The following IGSF11 variants were observed in gnomAD, a reference collection of about 807,000 sequenced individuals.
The protein encoded by IGSF11 is immunoglobulin superfamily member 11, also known as CXADR like 1.
A neutral mutation model predicts 41.0 loss-of-function variants in IGSF11; 22 were observed. The ratio of observed to expected loss-of-function variants is 0.54; its 90% CI spans 0.38 to 0.77. The LOEUF is 0.77. IGSF11 is among the 30% of genes least tolerant of loss of function. IGSF11 has a pLI of 0.00. For missense variants in IGSF11, 444 were observed against 530.8 expected (o/e 0.84, Z 1.61); for synonymous variants, 219 against 201.3 (o/e 1.09, Z -0.74).
At chr3:119,040,673 G>A (rs1941085646) in intron 1 of IGSF11, among the ~76,000 whole-genome samples, 1 of 152,164 alleles carries the variant, frequency 6.6e-6, no homozygotes, top group African/African-American at 2.4e-5. Context: ...TACAAGGACA[G>A]GAACTCTATT....
rs60190891 is a variant in IGSF11 at position 119,017,039 on chromosome 3, CAA to C, written c.52+17490_52+17491del. Among the ~76,000 whole-genome samples the C allele has an allele frequency of 1.0e-3, 89 of 88,302 alleles. 1 individual carries two copies. Among genetic ancestry groups the C allele is most frequent in the African/African-American group, 2.8e-3 (76 of 26,758 alleles). The allele number at this position is 88,302 out of a possible 152,430, so 57.9% of individuals were successfully genotyped here. On this transcript the variant is annotated intron_variant, in intron 1 of 6. Coordinates refer to ENST00000393775, the MANE Select transcript of IGSF11 (RefSeq NM_001015887.3). ...TGAGCAAAGTTAAATGGACGCAGGA[CAA>C]AAAAAAAAAAAAAAAAGCCAACTAT...
intron 2 of IGSF11, among the ~76,000 whole-genome samples, chr3:118,929,685 A>G (rs2160054): frequency 0.12 from 17,753 of 152,194 alleles, 1,727 homozygotes; most frequent in African/African-American, 0.25. Context: ...CTTTGAGCTC[A>G]CTAACATGGC....
chr3:118,955,842 G>C (rs767876854), intron 1 of IGSF11, among the ~76,000 whole-genome samples: 1 of 152,110 alleles, frequency 6.6e-6, no homozygotes, highest in South Asian at 2.1e-4. Context: ...AGGAGAGTCA[G>C]CCTGTCCTTT....
chr3:119,047,870 A>C (rs1418355304), intron 1 of IGSF11, among the ~76,000 whole-genome samples: 1 of 152,174 alleles, frequency 6.6e-6, no homozygotes, highest in Non-Finnish European at 1.5e-5. Flanking sequence ...ACTACATGGA[A>C]ACTGAACAAC....
intron 1 of IGSF11, among the ~76,000 whole-genome samples, chr3:119,083,126 C>CTTTTTTTTTTTT (rs79620142): frequency 1.5e-5 from 2 of 129,104 alleles, no homozygotes; most frequent in Non-Finnish European, 3.2e-5. Flanking sequence ...TTTCTTTTTT[C>CTTTTTTTTTTTT]TTTTTTTTTT....
chr3:118,971,303 A>G (rs1398982950), intron 1 of IGSF11, among the ~76,000 whole-genome samples: 1 of 152,214 alleles, frequency 6.6e-6, no homozygotes, highest in East Asian at 1.9e-4. Flanking sequence ...ACAGAAAATA[A>G]ATACCAAAGG....
At chr3:118,963,002 A>C (rs1258277452) in intron 1 of IGSF11, among the ~76,000 whole-genome samples, 1 of 152,174 alleles carries the variant, frequency 6.6e-6, no homozygotes, top group African/African-American at 2.4e-5. Flanking sequence ...ATTGCCAAAG[A>C]GCAGTGCCAC....
At chr3:119,049,664 GA>G (rs1941531087) in intron 1 of IGSF11, among the ~76,000 whole-genome samples, 1 of 152,064 alleles carries the variant, frequency 6.6e-6, no homozygotes, top group Non-Finnish European at 1.5e-5. Context: ...AGTTCATATG[GA>G]ACCTAAAAAG....
At chr3:119,057,677 C>T (rs1268019352) in intron 1 of IGSF11, among the ~76,000 whole-genome samples, 1 of 152,168 alleles carries the variant, frequency 6.6e-6, no homozygotes, top group Non-Finnish European at 1.5e-5. Context: ...CAATCCTAAG[C>T]CAAAAGAACA....
chr3:119,125,011 T>A lies in IGSF11; in HGVS notation c.-13-19806A>T, dbSNP rs903319091. 2.6e-5 allele frequency among the ~76,000 whole-genome samples: 4 copies of A among 152,090 alleles called. No homozygotes were observed. The East Asian group carries it at 7.7e-4, about 29-fold the overall frequency. On this transcript the variant is annotated intron_variant, in intron 1 of 7. Transcript: ENST00000425327. ...AGGTCTGGAGAAAGTGACACAAATT[T>A]AAAATGCCAAAGGAAAAAAACTTTT...
intron 4 of IGSF11, among the ~76,000 whole-genome samples, chr3:118,916,706 A>G (rs1333548370): frequency 6.7e-5 from 10 of 149,794 alleles, no homozygotes; most frequent in South Asian, 2.1e-4. Context: ...AACGAGACAG[A>G]AAGTCAACAA....
chr3:118,973,068 C>T (rs1160969929), intron 1 of IGSF11, among the ~76,000 whole-genome samples: 2 of 152,200 alleles, frequency 1.3e-5, no homozygotes, highest in Non-Finnish European at 1.5e-5. Flanking sequence ...ACTGCTTACT[C>T]GCAGTCTCTC....
chr3:119,037,098 G>A (rs1419624497), upstream of IGSF11, among the ~76,000 whole-genome samples: 2 of 152,160 alleles, frequency 1.3e-5, no homozygotes, highest in East Asian at 3.8e-4. Flanking sequence ...AATTCATAGA[G>A]ATAATACCAT....
At chr3:119,063,501 T>A (rs1019454519) in intron 1 of IGSF11, among the ~76,000 whole-genome samples, 3 of 152,046 alleles carry the variant, frequency 2.0e-5, no homozygotes, top group Admixed American at 2.0e-4. Flanking sequence ...TGCACAGACA[T>A]GAACAGTGCA....
At chr3:119,104,434 GAT>G (rs1485052305) in intron 1 of IGSF11, among the ~76,000 whole-genome samples, 1 of 152,068 alleles carries the variant, frequency 6.6e-6, no homozygotes, top group African/African-American at 2.4e-5. Flanking sequence ...TCCTGACACT[GAT>G]CACTCCCATT....
intron 1 of IGSF11, among the ~76,000 whole-genome samples, chr3:119,103,774 C>A (rs4687965): frequency 0.23 from 35,393 of 152,006 alleles, 5,036 homozygotes; most frequent in Middle Eastern, 0.38. Flanking sequence ...CTGCTTCTTA[C>A]TAGTATTGAC....
chr3:118,928,564 G>A lies in IGSF11; in HGVS notation c.369C>T (p.Asn123=). 3.7e-6 allele frequency: 6 copies of A among 1,613,840 alleles called. No homozygotes were observed. Among genetic ancestry groups the A allele is most frequent in the Non-Finnish European group, 5.1e-6 (6 of 1,179,982 alleles). ...TCCTGCCCCCTATGTCTGGAAGGTT[G>A]TTGACCAGGCACTGGTAGGTGCCAG... ...SDTGTYQCLV[N]NLPDIGGRNI... is the part of the protein sequence containing the mutation. The change falls in exon 3 of 7, where the codon AAC becomes AAT. Residue 123 remains asparagine, a synonymous_variant. Coordinates refer to ENST00000393775, the MANE Select transcript of IGSF11 (RefSeq NM_001015887.3).
intron 1 of IGSF11, among the ~76,000 whole-genome samples, chr3:119,076,797 C>CT (rs199524952): frequency 0.32 from 47,381 of 148,964 alleles, 7,722 homozygotes; most frequent in Middle Eastern, 0.38. Flanking sequence ...AATAGGAACA[C>CT]TTTTTTTTTT....
At chr3:119,143,541 A>T (rs1456512626) in intron 1 of IGSF11, among the ~76,000 whole-genome samples, 2 of 152,204 alleles carry the variant, frequency 1.3e-5, no homozygotes, top group African/African-American at 4.8e-5. Context: ...AACACAAAGG[A>T]TGGTAGTAAT....
Sources: allele counts gnomAD v4.1 joint callset (sites outside exome capture counted in the v4.1 genomes callset), GRCh38; gene constraint gnomAD v4.1.1; transcripts MANE v1.5; gene names NCBI Gene and HGNC (gene_info 2026-07-23, HGNC 2026-07-21).